The following TUSC3 variants were observed in gnomAD, a reference collection of about 807,000 sequenced individuals.
TUSC3 encodes the protein tumor suppressor candidate 3.
TUSC3 carries 45 observed loss-of-function variants against 44.8 expected under a neutral mutation model. The ratio of observed to expected loss-of-function variants is 1.00; its 90% CI spans 0.79 to 1.29. The LOEUF is 1.29. Among genes scored for constraint, TUSC3 ranks in the 50% most tolerant of loss-of-function variants. TUSC3 has a pLI of 0.00. For synonymous variants in TUSC3, 212 were observed against 152.9 expected, an observed-to-expected ratio of 1.39 and a Z score of -2.85; for missense variants, 519 against 437.9, an observed-to-expected ratio of 1.19 and a Z score of -1.65.
At chr8:15,438,002 C>T (rs539768137) in intron 1 of TUSC3, among the ~76,000 whole-genome samples, 2 of 152,316 alleles carry the variant, frequency 1.3e-5, no homozygotes, top group South Asian at 2.1e-4. Flanking sequence ...GGTCTTTCTA[C>T]TTCTTACCAG....
chr8:15,776,232 G>C, the TUSC3 span, among the ~76,000 whole-genome samples: 4 of 152,158 alleles, frequency 2.6e-5, no homozygotes, highest in African/African-American at 7.2e-5. Flanking sequence ...TGGGGCCTCA[G>C]TTTTACCTAT....
intron 3 of TUSC3, among the ~76,000 whole-genome samples, chr8:15,656,651 C>G (rs1315917027): frequency 6.8e-6 from 1 of 148,140 alleles, no homozygotes. Flanking sequence ...AGGCCCAAGC[C>G]CACGCAACAG....
intron 1 of TUSC3, among the ~76,000 whole-genome samples, chr8:15,445,408 TA>T (rs1215324415): frequency 6.6e-6 from 1 of 152,120 alleles, no homozygotes; most frequent in Non-Finnish European, 1.5e-5. Context: ...GTGGGAAGGT[TA>T]GCAGATAAAC....
chr8:15,672,272 C>G (rs1355239060), intron 5 of TUSC3, among the ~76,000 whole-genome samples: 1 of 151,960 alleles, frequency 6.6e-6, no homozygotes, highest in Non-Finnish European at 1.5e-5. Flanking sequence ...TTTAAATGCT[C>G]TACATGGATT....
In TUSC3 at chr8:15,760,283, A is replaced by G. The variant is rs147148342; in HGVS notation, c.*46+2428A>G. On this transcript the variant is annotated intron_variant, in intron 10 of 10. Transcript: ENST00000503731. Reference sequence around the variant, plus strand: ...CAAATGTCATCAGTTTAGCCTGTACATATTTTGAACCTTGGGAATTATGTA... The same window carrying G: ...CAAATGTCATCAGTTTAGCCTGTACGTATTTTGAACCTTGGGAATTATGTA... 2.9e-3 allele frequency among the ~76,000 whole-genome samples: 435 copies of G among 152,276 alleles called. 3 individuals are homozygous for G. Among genetic ancestry groups the G allele is most frequent in the African/African-American group, 0.01 (418 of 41,564 alleles).
rs150177150 is a variant in TUSC3 at position 15,655,399 on chromosome 8, G to A, written c.427-4108G>A. On this transcript the variant is annotated intron_variant, in intron 3 of 10. Coordinates refer to ENST00000503731, the MANE Select transcript of TUSC3 (RefSeq NM_006765.4). ...TGTGCACAACTTCAGTAAACACACTGTGCATACGGCCCCTCCCAAGTGCTG... is the reference window on the plus strand; with the variant it reads ...TGTGCACAACTTCAGTAAACACACTATGCATACGGCCCCTCCCAAGTGCTG... Among the ~76,000 whole-genome samples the A allele has an allele frequency of 9.2e-4, 140 of 152,320 alleles. 1 individual carries two copies. Among genetic ancestry groups the A allele is most frequent in the African/African-American group, 3.2e-3 (134 of 41,576 alleles).
At chr8:15,666,913 A>G (rs1807687509) in intron 5 of TUSC3, among the ~76,000 whole-genome samples, 1 of 151,530 alleles carries the variant, frequency 6.6e-6, no homozygotes, top group Non-Finnish European at 1.5e-5. Context: ...TTTTTAGGAT[A>G]TACTTAATAT....
the TUSC3 span, among the ~76,000 whole-genome samples, chr8:15,847,136 G>T: frequency 2.0e-5 from 3 of 152,142 alleles, no homozygotes; most frequent in Admixed American, 6.5e-5. Flanking sequence ...TTCTGGGCAG[G>T]TCTGCATGTA....
chr8:15,624,920 G>C (rs1164208996), intron 2 of TUSC3, among the ~76,000 whole-genome samples: 1 of 151,624 alleles, frequency 6.6e-6, no homozygotes, highest in Non-Finnish European at 1.5e-5. Flanking sequence ...TTTCTAGTTT[G>C]ATGTTTTACA....
At chr8:15,778,514 C>A in the TUSC3 span, among the ~76,000 whole-genome samples, 2 of 152,006 alleles carry the variant, frequency 1.3e-5, no homozygotes, top group Non-Finnish European at 2.9e-5. Context: ...TTAGCTGCTT[C>A]CCACATTTAT....
chr8:15,685,212 G>T (rs946984842), intron 6 of TUSC3, among the ~76,000 whole-genome samples: 3 of 152,052 alleles, frequency 2.0e-5, no homozygotes, highest in African/African-American at 7.3e-5. Flanking sequence ...TGGGAAACCT[G>T]TAGCTGGGAT....
intron 10 of TUSC3, among the ~76,000 whole-genome samples, chr8:15,763,024 A>T (rs1048862207): frequency 1.3e-5 from 2 of 151,984 alleles, no homozygotes; most frequent in Admixed American, 6.6e-5. Context: ...CTAATTTAAC[A>T]ATTTCTCAGA....
intron 9 of TUSC3, among the ~76,000 whole-genome samples, chr8:15,749,158 C>G (rs1811581333): frequency 6.6e-6 from 1 of 151,956 alleles, no homozygotes; most frequent in Non-Finnish European, 1.5e-5. Flanking sequence ...AGGAGTCCTT[C>G]TTTTAGGTTA....
intron 2 of TUSC3, among the ~76,000 whole-genome samples, chr8:15,644,399 A>C (rs534330647): frequency 2.6e-5 from 4 of 152,166 alleles, no homozygotes; most frequent in Non-Finnish European, 4.4e-5. Context: ...TTTTCAGTTA[A>C]TAGTGTTGGA....
chr8:15,705,387 A>G (rs902627762), intron 6 of TUSC3, among the ~76,000 whole-genome samples: 20 of 152,220 alleles, frequency 1.3e-4, no homozygotes, highest in African/African-American at 4.3e-4. Flanking sequence ...ATTCATTTTT[A>G]TGAAACCATT....
chr8:15,627,247 GA>G (rs368864671), intron 2 of TUSC3, among the ~76,000 whole-genome samples: 3 of 152,310 alleles, frequency 2.0e-5, no homozygotes, highest in Admixed American at 1.3e-4. Flanking sequence ...TTTCTGCTGA[GA>G]GCTGAAGAGA....
chr8:15,489,726 G>A (rs1417207027), intron 2 of TUSC3, among the ~76,000 whole-genome samples: 5 of 152,200 alleles, frequency 3.3e-5, no homozygotes, highest in Non-Finnish European at 2.9e-5. Flanking sequence ...GGCCAGTTGC[G>A]CATGAATTCA....
the TUSC3 span, among the ~76,000 whole-genome samples, chr8:15,843,695 T>G: frequency 6.6e-6 from 1 of 151,680 alleles, no homozygotes; most frequent in African/African-American, 2.4e-5. Context: ...GGTGTATATC[T>G]ATATCTAAAT....
intron 1 of TUSC3, among the ~76,000 whole-genome samples, chr8:15,480,874 A>G (rs1800649031): frequency 6.6e-6 from 1 of 152,204 alleles, no homozygotes; most frequent in Admixed American, 6.5e-5. Context: ...TTGAGGTGAT[A>G]CAATTCAGTC....
Sources: allele counts gnomAD v4.1 joint callset (sites outside exome capture counted in the v4.1 genomes callset), GRCh38; gene constraint gnomAD v4.1.1; transcripts MANE v1.5; gene names NCBI Gene and HGNC (gene_info 2026-07-23, HGNC 2026-07-21).